Variants in TTLL11 observed in about 807,000 individuals in gnomAD.
The protein encoded by TTLL11 is tubulin polyglutamylase TTLL11.
TTLL11 carries 42 observed loss-of-function variants against 51.7 expected under a neutral mutation model. The ratio of observed to expected loss-of-function variants is 0.81; its 90% CI spans 0.64 to 1.05. The LOEUF (loss-of-function observed/expected upper bound fraction) is 1.05, where lower values mean the gene tolerates loss of function less well. Among genes scored for constraint, TTLL11 ranks in the 50% least tolerant of loss-of-function variants. The pLI is 0.00. For missense variants in TTLL11, 799 were observed against 940.4 expected (o/e 0.85, Z 1.97); for synonymous variants, 381 against 383.5 (o/e 0.99, Z 0.08).
intron 3 of TTLL11, among the ~76,000 whole-genome samples, chr9:122,009,288 T>TGAA (rs1415397199): frequency 6.6e-6 from 1 of 152,200 alleles, no homozygotes; most frequent in Non-Finnish European, 1.5e-5. Flanking sequence ...CAACATGTTG[T>TGAA]ACATGATAAA....
At chr9:121,923,634 A>G (rs1173347992) in intron 6 of TTLL11, among the ~76,000 whole-genome samples, 1 of 139,272 alleles carries the variant, frequency 7.2e-6, no homozygotes, top group Admixed American at 7.1e-5. Context: ...ACAGGTAAAG[A>G]AGTTGGGGTT....
intron 6 of TTLL11, 139 bp from the exon 7 acceptor site, chr9:121,870,887 C>A (rs1838334919): frequency 3.0e-6 from 3 of 995,168 alleles, no homozygotes; most frequent in Non-Finnish European, 2.8e-6. Context: ...AGAGAAGTGA[C>A]CTGCCCAAGC....
chr9:121,928,240 C>A (rs542534718), intron 6 of TTLL11, among the ~76,000 whole-genome samples: 2 of 152,190 alleles, frequency 1.3e-5, no homozygotes, highest in Admixed American at 6.5e-5. Flanking sequence ...TGTGATGTCA[C>A]TTCTATTTGT....
At chr9:121,928,847 C>A (rs1023695114) in intron 6 of TTLL11, among the ~76,000 whole-genome samples, 1 of 152,162 alleles carries the variant, frequency 6.6e-6, no homozygotes, top group Admixed American at 6.5e-5. Flanking sequence ...GCTGAGACTA[C>A]AAGTGTGAGC....
At chr9:121,933,566 G>A (rs1176306300) in intron 6 of TTLL11, among the ~76,000 whole-genome samples, 3 of 152,080 alleles carry the variant, frequency 2.0e-5, no homozygotes, top group East Asian at 1.9e-4. Context: ...ACTATCCATC[G>A]ATTTCCAAAA....
At chr9:122,029,131 T>A (rs1196813524) in intron 3 of TTLL11, among the ~76,000 whole-genome samples, 3 of 152,232 alleles carry the variant, frequency 2.0e-5, no homozygotes, top group Non-Finnish European at 4.4e-5. Flanking sequence ...CCTACTGCAC[T>A]GCCAGTTGTA....
rs73662539 is a variant in TTLL11 at position 121,954,677 on chromosome 9, C to T, written c.1481+19332G>A. On this transcript the variant is annotated intron_variant, in intron 6 of 8. Transcript: ENST00000321582. ...GTGCAAGCACACACACACACACAGA[C>T]GCACACACACACACACACACAGACA... Among the ~76,000 whole-genome samples, 7 of 62,300 alleles carry T rather than the reference C, an allele frequency of 1.1e-4. No homozygotes were observed. In the East Asian group the frequency reaches 1.3e-3, roughly 12 times the overall value. 40.9% of individuals were successfully genotyped at this position (62,300 alleles called of 152,430 possible).
intron 1 of TTLL11, among the ~76,000 whole-genome samples, chr9:122,041,890 C>G (rs753233295): frequency 2.0e-5 from 3 of 150,580 alleles, no homozygotes; most frequent in South Asian, 4.2e-4. Context: ...ATCAAAATCC[C>G]AATAACTTTT....
Position 121,894,332 on chromosome 9 carries a change from G to A in TTLL11, c.1482-23584C>T, listed in dbSNP as rs186965223. Among the ~76,000 whole-genome samples the A allele has an allele frequency of 4.6e-5, 7 of 152,310 alleles. No homozygotes were observed. In the East Asian group the frequency reaches 1.3e-3, roughly 29 times the overall value. On this transcript the variant is annotated intron_variant, in intron 6 of 8. Transcript: ENST00000321582. ...TAGTTCAACCATTGTGGAAGAAAGT[G>A]TGGCAATTCCTCAGGGATCTGGAAC...
At chr9:121,918,955 C>T (rs1840431812) in intron 6 of TTLL11, among the ~76,000 whole-genome samples, 1 of 152,204 alleles carries the variant, frequency 6.6e-6, no homozygotes, top group African/African-American at 2.4e-5. Context: ...ATGATGGTTA[C>T]CCGTGGGGCT....
At chr9:122,007,588 C>T (rs957911421) in intron 3 of TTLL11, among the ~76,000 whole-genome samples, 2 of 151,446 alleles carry the variant, frequency 1.3e-5, no homozygotes, top group African/African-American at 4.9e-5. Context: ...AATATTATAA[C>T]CCACAGAATA....
At chr9:122,058,641 C>T (rs781624924) in intron 1 of TTLL11, among the ~76,000 whole-genome samples, 54 of 152,136 alleles carry the variant, frequency 3.5e-4, no homozygotes, top group Non-Finnish European at 5.7e-4. Context: ...CGCGTATGGC[C>T]ATCTTTATCA....
At position 121,821,317 on chromosome 9, in the gene TTLL11, A is replaced by G. The variant is rs752857013; in HGVS notation, c.*1270T>C. 6.6e-6 allele frequency among the ~76,000 whole-genome samples: 1 copy of G among 152,058 alleles called. No individual in the cohort carries two copies. Among genetic ancestry groups the G allele is most frequent in the Non-Finnish European group, 1.5e-5 (1 of 68,014 alleles). On this transcript the variant is annotated 3_prime_UTR_variant, in exon 9 of 9. Coordinates refer to ENST00000321582, the MANE Select transcript of TTLL11 (RefSeq NM_001139442.2). The surrounding 1 kb of genome is among the most constrained non-coding windows in gnomAD (Gnocchi z 5.0). ...CCCTCCCTTGCCACGCACTACGAGC[A>G]TTTTCTGAGTCCTACAGTGCACCAC...
intron 6 of TTLL11, among the ~76,000 whole-genome samples, chr9:121,877,664 T>C (rs1287311736): frequency 2.0e-5 from 3 of 152,204 alleles, no homozygotes; most frequent in Admixed American, 1.3e-4. Context: ...ATAGCGATGA[T>C]ATTAATTGCA....
At chr9:121,842,229 G>A (rs887834254) in intron 8 of TTLL11, among the ~76,000 whole-genome samples, 1 of 149,296 alleles carries the variant, frequency 6.7e-6, no homozygotes, top group African/African-American at 2.5e-5. Context: ...TGAAAGAGAT[G>A]ATCTTTAGGG....
intron 8 of TTLL11, among the ~76,000 whole-genome samples, chr9:121,839,594 G>T (rs1837291050): frequency 6.6e-6 from 1 of 152,170 alleles, no homozygotes; most frequent in Non-Finnish European, 1.5e-5. Flanking sequence ...GTCATGAGAG[G>T]GGCCAAGCCT....
At chr9:121,904,229 T>A (rs536654504) in intron 6 of TTLL11, among the ~76,000 whole-genome samples, 55 of 151,964 alleles carry the variant, frequency 3.6e-4, no homozygotes, top group African/African-American at 1.2e-3. Flanking sequence ...CAGGCTGGCA[T>A]GCAGTGGCAC....
At chr9:122,057,368 G>T (rs913780890) in intron 1 of TTLL11, among the ~76,000 whole-genome samples, 1 of 136,054 alleles carries the variant, frequency 7.4e-6, no homozygotes, top group Admixed American at 8.2e-5. Flanking sequence ...TGTCACCCAT[G>T]CTGGAGTGCA....
At chr9:122,058,377 T>G (rs984032319) in intron 1 of TTLL11, among the ~76,000 whole-genome samples, 17 of 152,216 alleles carry the variant, frequency 1.1e-4, no homozygotes, top group Non-Finnish European at 1.8e-4. Context: ...CAAGACCAAT[T>G]TTAATGTGAA....
Sources: allele counts gnomAD v4.1 joint callset (sites outside exome capture counted in the v4.1 genomes callset), GRCh38; gene constraint gnomAD v4.1.1; non-coding constraint Gnocchi (gnomAD v3.1); transcripts MANE v1.5; gene names NCBI Gene and HGNC (gene_info 2026-07-23, HGNC 2026-07-21).